Variants in PNPLA4 observed in about 807,000 individuals in gnomAD.
The protein encoded by PNPLA4 is patatin like domain 4, phospholipase and triacylglycerol lipase.
Under a neutral mutation model 18.3 loss-of-function variants are expected in PNPLA4, and 15 were observed. The observed-to-expected ratio is 0.82, with a 90% confidence interval of 0.55 to 1.26. The LOEUF (loss-of-function observed/expected upper bound fraction) is 1.26. PNPLA4 is among the 50% of genes most tolerant of loss of function. The pLI, the probability that PNPLA4 is intolerant of heterozygous loss-of-function variation, is 0.00. For synonymous variants in PNPLA4, 88 were observed against 85.6 expected (o/e 1.03, Z -0.16); for missense variants, 229 against 196.8 (o/e 1.16, Z -0.98).
intron 5 of PNPLA4, 97 bp downstream of exon 5, chrX:7,911,931 T>C: frequency 1.7e-6 from 1 of 579,652 alleles, no homozygotes; most frequent in Non-Finnish European, 2.8e-6. Context: ...AAACATAAAC[T>C]GATTTGAAGC....
At chrX:7,913,687 T>C (rs1367968762) in intron 4 of PNPLA4, among the ~76,000 whole-genome samples, 4 of 112,786 alleles carry the variant, frequency 3.5e-5, no homozygotes, top group East Asian at 2.8e-4. Context: ...GTTCAGAAAG[T>C]ATGGAGAATA....
chrX:7,913,096 C>T (rs188817257), intron 4 of PNPLA4, among the ~76,000 whole-genome samples: 2,469 of 111,890 alleles, frequency 0.022, 68 homozygotes, highest in African/African-American at 0.076. Flanking sequence ...GGAAAATCCT[C>T]TTTTGAGCTG....
intron 1 of PNPLA4, among the ~76,000 whole-genome samples, chrX:7,926,867 A>C (rs1924431362): frequency 8.9e-6 from 1 of 112,494 alleles, no homozygotes; most frequent in African/African-American, 3.2e-5. Flanking sequence ...AAGTGAATGA[A>C]ATTGTGCCTC....
intron 4 of PNPLA4, among the ~76,000 whole-genome samples, chrX:7,915,621 C>T (rs1221839881): frequency 2.7e-5 from 3 of 111,881 alleles, no homozygotes; most frequent in African/African-American, 6.5e-5. Context: ...TAAAACATCG[C>T]CAGGTGCGCA....
chrX:7,901,399 C>G (rs1165714961), intron 6 of PNPLA4, among the ~76,000 whole-genome samples: 2 of 110,887 alleles, frequency 1.8e-5, no homozygotes, highest in Non-Finnish European at 3.8e-5. Context: ...CTAGGCAACA[C>G]AGTGAGACTT....
intron 1 of PNPLA4, among the ~76,000 whole-genome samples, 151 bp downstream of exon 1, chrX:7,927,135 G>C (rs1045277367): frequency 2.6e-5 from 3 of 113,255 alleles, no homozygotes; most frequent in African/African-American, 6.4e-5. Flanking sequence ...AAATGGGGAC[G>C]GGAAGGGGGT....
At chrX:7,921,335 T>C (rs989058683) in intron 4 of PNPLA4, among the ~76,000 whole-genome samples, 19 of 111,974 alleles carry the variant, frequency 1.7e-4, no homozygotes, top group African/African-American at 5.5e-4. Context: ...CAGAAGGACT[T>C]GAAGGACTGA....
chrX:7,913,630 T>A (rs1444555729), intron 4 of PNPLA4, among the ~76,000 whole-genome samples: 4 of 112,665 alleles, frequency 3.6e-5, no homozygotes, highest in African/African-American at 1.3e-4. Context: ...GAATCAGTTA[T>A]ATAATTTCTG....
Position 7,912,011 on chromosome X carries a change from A to C in PNPLA4, c.477+17T>G. ...AATATAGGGAGGAGGGTAATTCCTC[A>C]GTTATAACAAGCTTACCTGCCCTTT... On this transcript the variant is annotated intron_variant, in intron 5 of 6. Coordinates refer to ENST00000381042, the MANE Select transcript of PNPLA4 (RefSeq NM_004650.3). The C allele has an allele frequency of 8.9e-7, 1 of 1,124,792 alleles. No homozygotes were observed. Among genetic ancestry groups the C allele is most frequent in the South Asian group, 1.8e-5 (1 of 54,644 alleles). The allele number at this position is 1,124,792 out of a possible 1,213,427, so 92.7% of individuals were successfully genotyped here.
chrX:7,916,386 C>T (rs1239536626), intron 4 of PNPLA4, among the ~76,000 whole-genome samples: 1 of 110,893 alleles, frequency 9.0e-6, no homozygotes, highest in Non-Finnish European at 1.9e-5. Context: ...ACTTGACACT[C>T]GGGGGATACT....
chrX:7,915,937 C>T (rs1294633586), intron 4 of PNPLA4, among the ~76,000 whole-genome samples: 1 of 111,987 alleles, frequency 8.9e-6, no homozygotes, highest in African/African-American at 3.2e-5. Context: ...AGCATTCTCA[C>T]ACATGCAAAG....
intron 5 of PNPLA4, among the ~76,000 whole-genome samples, chrX:7,910,379 T>C (rs1047174581): frequency 9.0e-6 from 1 of 111,147 alleles, no homozygotes; most frequent in Admixed American, 9.7e-5. Context: ...CATCAATTCC[T>C]TGAGCACAGG....
chrX:7,902,835 G>A lies in PNPLA4; in HGVS notation c.478-694C>T, dbSNP rs934709416. ...AGCCTCAGCCCCTAGCTCTACAGAA[G>A]CGCACAATGAGAAATGGTGACTGAA... On this transcript the variant is annotated intron_variant, in intron 5 of 6. Transcript: ENST00000381042. Among the ~76,000 whole-genome samples the A allele has an allele frequency of 7.2e-5, 8 of 111,819 alleles. No homozygotes were observed. In the Admixed American group the frequency reaches 7.6e-4, roughly 11 times the overall value.
intron 2 of PNPLA4, among the ~76,000 whole-genome samples, chrX:7,924,550 C>T (rs1411151552): frequency 8.9e-6 from 1 of 111,867 alleles, no homozygotes; most frequent in Non-Finnish European, 1.9e-5. Context: ...CCCATGGGAG[C>T]ACCAGATAAA....
intron 5 of PNPLA4, among the ~76,000 whole-genome samples, chrX:7,906,473 C>T (rs768578398): frequency 5.4e-5 from 6 of 111,965 alleles, no homozygotes; most frequent in Admixed American, 9.5e-5. Context: ...TTTGAGAAGG[C>T]TCTAAAGGGT....
rs372794048 is a variant in PNPLA4, at chrX:7,912,079, G to T, written c.426C>A (p.Ser142Arg). The T allele has an allele frequency of 5.8e-6, 7 of 1,200,471 alleles. No homozygotes were observed. Among genetic ancestry groups the T allele is most frequent in the Non-Finnish European group, 7.9e-6 (7 of 887,435 alleles). The change falls in exon 5 of 7, where the codon AGC (serine) becomes AGA (arginine). Residue 142 changes from serine to arginine, a missense_variant. Ser to Arg is a moderately radical substitution (Grantham distance 110). Coordinates refer to ENST00000381042, the MANE Select transcript of PNPLA4 (RefSeq NM_004650.3). Reference protein sequence around the residue: ...REDLIKVLLASSFVPIYAGLK... With the variant: ...REDLIKVLLARSFVPIYAGLK... ...GTCCTGCATAAATGGGCACAAAACT[G>T]CTGGCTAGGAGGACCTAGATGGATA... is the stretch of plus-strand genomic sequence containing the variant.
chrX:7,899,651 G>C lies in PNPLA4; in HGVS notation c.*1035C>G, dbSNP rs1311624277. 6.1e-5 allele frequency: 6 copies of C among 97,677 alleles called. No homozygotes were observed. The highest frequency in any genetic ancestry group is 1.5e-4 in the African/African-American group (4 of 27,097). 8.0% of individuals were successfully genotyped at this position (97,677 alleles called of 1,213,427 possible). A position where few individuals can be genotyped will look rare whatever the true frequency, so the allele number is the denominator to read the frequency against. ...CGAGAGAGAGAGAGAGAGAGAGAGA[G>C]AGAGAGAGAGAGAGAGAGAGAGAGA... On this transcript the variant is annotated 3_prime_UTR_variant, in exon 7 of 7. Coordinates refer to ENST00000381042, the MANE Select transcript of PNPLA4 (RefSeq NM_004650.3).
intron 4 of PNPLA4, among the ~76,000 whole-genome samples, chrX:7,920,818 G>C (rs1461386524): frequency 8.9e-6 from 1 of 112,692 alleles, no homozygotes; most frequent in South Asian, 3.6e-4. Flanking sequence ...TGTTTGGATA[G>C]AAAGACATCA....
At chrX:7,926,406 T>C (rs1924408824) in intron 1 of PNPLA4, among the ~76,000 whole-genome samples, 3 of 112,645 alleles carry the variant, frequency 2.7e-5, no homozygotes, top group African/African-American at 9.7e-5. Flanking sequence ...TACGATTTAA[T>C]TACTTGGCAG....
Sources: allele counts gnomAD v4.1 joint callset (sites outside exome capture counted in the v4.1 genomes callset), GRCh38; gene constraint gnomAD v4.1.1; transcripts MANE v1.5; gene names NCBI Gene and HGNC (gene_info 2026-07-23, HGNC 2026-07-21).